The following GALNT14 variants were observed in gnomAD, a reference collection of about 807,000 sequenced individuals.
GALNT14 encodes UDP-GalNAc:polypeptide N-acetylgalactosaminyltransferase 14.
GALNT14 carries 60 observed loss-of-function variants against 77.5 expected under a neutral mutation model. The ratio of observed to expected loss-of-function variants is 0.77; its 90% CI spans 0.63 to 0.96. The LOEUF is 0.96. Ranked by LOEUF, GALNT14 falls within the 40% of genes least tolerant of loss-of-function variation. The pLI is 0.00. For missense variants in GALNT14, 710 were observed against 731.0 expected (o/e 0.97, Z 0.33); for synonymous variants, 280 against 281.7 (o/e 0.99, Z 0.06).
intron 1 of GALNT14, among the ~76,000 whole-genome samples, chr2:31,004,135 C>A (rs1670529601): frequency 6.6e-6 from 1 of 152,242 alleles, no homozygotes; most frequent in Non-Finnish European, 1.5e-5. Flanking sequence ...ATTTCTGCAT[C>A]CCCTTCTCTT....
At chr2:30,927,576 C>G (rs1474048999) in intron 11 of GALNT14, among the ~76,000 whole-genome samples, 1 of 152,190 alleles carries the variant, frequency 6.6e-6, no homozygotes, top group Non-Finnish European at 1.5e-5. Flanking sequence ...ATGGAGACCA[C>G]AGCAGGAAGC....
At position 31,080,905 on chromosome 2, in the gene GALNT14, T is replaced by C. The variant is rs943908675; in HGVS notation, c.129+57053A>G. Reference sequence around the variant, plus strand: ...TAAATTTTCTGGCAGATACAGAATATATGTGGCCACGTTCTAAGAAATGAT... The same window carrying C: ...TAAATTTTCTGGCAGATACAGAATACATGTGGCCACGTTCTAAGAAATGAT... On this transcript the variant is annotated intron_variant, in intron 1 of 14. Coordinates refer to ENST00000349752, the MANE Select transcript of GALNT14 (RefSeq NM_024572.4). Among the ~76,000 whole-genome samples the C allele has an allele frequency of 2.0e-5, 3 of 152,322 alleles. No individual in the cohort carries two copies. The East Asian group carries it at 5.8e-4, about 29-fold the overall frequency.
chr2:31,111,886 GT>G (rs1677854099), intron 1 of GALNT14, among the ~76,000 whole-genome samples: 1 of 150,802 alleles, frequency 6.6e-6, no homozygotes, highest in African/African-American at 2.4e-5. Context: ...ATTTTTTGAT[GT>G]TTTAAATAGG....
At chr2:31,066,330 A>T (rs1346713586) in intron 1 of GALNT14, among the ~76,000 whole-genome samples, 1 of 149,088 alleles carries the variant, frequency 6.7e-6, no homozygotes, top group Non-Finnish European at 1.5e-5. Context: ...GTCAGAAGCC[A>T]GAGGAGTGAG....
Position 30,933,614 on chromosome 2 carries a change from G to T in GALNT14, c.932-1420C>A, listed in dbSNP as rs539504100. 7.2e-5 allele frequency among the ~76,000 whole-genome samples: 11 copies of T among 152,278 alleles called. No homozygotes were observed. In the East Asian group the frequency reaches 1.3e-3, roughly 19 times the overall value. ...CTCTGCCTACTGCTGTTCACTCCCA[G>T]GAAGCCTGGATTCCCCTCAGGGTGG... is the stretch of plus-strand genomic sequence containing the variant. On this transcript the variant is annotated intron_variant, in intron 9 of 14. Coordinates refer to ENST00000349752, the MANE Select transcript of GALNT14 (RefSeq NM_024572.4).
intron 1 of GALNT14, among the ~76,000 whole-genome samples, chr2:31,056,114 G>C (rs565011046): frequency 2.8e-4 from 43 of 152,296 alleles, no homozygotes; most frequent in Admixed American, 3.9e-4. Flanking sequence ...ATGAAATGCA[G>C]ATCCCCAGGC....
intron 1 of GALNT14, among the ~76,000 whole-genome samples, chr2:31,067,078 A>T (rs979547220): frequency 5.3e-5 from 8 of 151,966 alleles, no homozygotes; most frequent in South Asian, 4.2e-4. Context: ...TGGCATCATC[A>T]TCCCTCAGTG....
Position 30,955,629 on chromosome 2 carries a change from T to C in GALNT14, c.643A>G (p.Arg215Gly), listed in dbSNP as rs532750873. Reference protein sequence around the residue: ...NRDWLQPLLHRVKEDYTRVVC... With the variant: ...NRDWLQPLLHGVKEDYTRVVC... ...TCAGCCTCACTCACCTCTTTGACCC[T>C]GTGCAACAGAGGCTGGAGCCAGTCC... The change falls in exon 6 of 15, where the codon AGG becomes GGG. Residue 215 changes from arginine to glycine, a missense_variant. Coordinates refer to ENST00000349752, the MANE Select transcript of GALNT14 (RefSeq NM_024572.4). 2.5e-6 allele frequency: 4 copies of C among 1,614,124 alleles called. No individual in the cohort carries two copies. Among genetic ancestry groups the C allele is most frequent in the Non-Finnish European group, 3.4e-6 (4 of 1,180,012 alleles).
downstream of GALNT14, among the ~76,000 whole-genome samples, chr2:30,910,144 GGCACAT>G (rs1664272362): frequency 1.3e-5 from 2 of 151,566 alleles, no homozygotes. Flanking sequence ...GCACCAGCAT[GGCACAT>G]GTATACATAT....
chr2:31,036,542 A>G (rs1312121579), intron 1 of GALNT14, among the ~76,000 whole-genome samples: 6 of 152,192 alleles, frequency 3.9e-5, no homozygotes, highest in Non-Finnish European at 5.9e-5. Context: ...AGCGTTACAG[A>G]CAAAAATACA....
chr2:30,893,890 C>T, the GALNT14 span, among the ~76,000 whole-genome samples: 3 of 152,130 alleles, frequency 2.0e-5, no homozygotes, highest in African/African-American at 7.2e-5. Flanking sequence ...TGTCATCTCA[C>T]AACCTTAGCT....
chr2:31,059,890 C>T (rs902251695), intron 1 of GALNT14, among the ~76,000 whole-genome samples: 1 of 152,168 alleles, frequency 6.6e-6, no homozygotes, highest in Admixed American at 6.5e-5. Context: ...CTGTTTAGAA[C>T]CCACCTAGTT....
chr2:31,054,262 T>C (rs1674075800), intron 1 of GALNT14, among the ~76,000 whole-genome samples: 1 of 152,168 alleles, frequency 6.6e-6, no homozygotes, highest in Non-Finnish European at 1.5e-5. Flanking sequence ...CACACTTACA[T>C]ATGTGTGAGC....
At chr2:31,113,075 A>C (rs1053442564) in intron 1 of GALNT14, among the ~76,000 whole-genome samples, 1 of 152,220 alleles carries the variant, frequency 6.6e-6, no homozygotes, top group Non-Finnish European at 1.5e-5. Context: ...GCAAGATAGA[A>C]ACCTTCTCAT....
At chr2:30,940,211 G>T (rs1030003866) in intron 9 of GALNT14, among the ~76,000 whole-genome samples, 4 of 152,168 alleles carry the variant, frequency 2.6e-5, no homozygotes, top group African/African-American at 9.7e-5. Context: ...ATCAGCCCTT[G>T]TTGATGCCAA....
At chr2:30,955,563 G>A (rs1382553922) in intron 6 of GALNT14, 55 bp downstream of exon 6, 11 of 1,593,550 alleles carry the variant, frequency 6.9e-6, no homozygotes, top group Non-Finnish European at 9.4e-6. Context: ...GCTTGAGAGA[G>A]AGCCTGGAGA....
intron 1 of GALNT14, among the ~76,000 whole-genome samples, chr2:31,051,337 G>C (rs1673852241): frequency 1.3e-5 from 2 of 152,212 alleles, no homozygotes; most frequent in African/African-American, 4.8e-5. Context: ...TTTGCAATTA[G>C]TAGACTTTGA....
At chr2:31,030,898 G>GTAA (rs1386717341) in intron 1 of GALNT14, among the ~76,000 whole-genome samples, 1 of 152,160 alleles carries the variant, frequency 6.6e-6, no homozygotes, top group Non-Finnish European at 1.5e-5. Flanking sequence ...TTTTTCTTGG[G>GTAA]ATGCCTATTT....
intron 1 of GALNT14, among the ~76,000 whole-genome samples, chr2:31,128,411 A>G (rs1465107341): frequency 2.0e-5 from 3 of 152,140 alleles, no homozygotes; most frequent in African/African-American, 7.2e-5. Flanking sequence ...TCCTGGAGTC[A>G]TTTCCCCAGG....
Sources: allele counts gnomAD v4.1 joint callset (sites outside exome capture counted in the v4.1 genomes callset), GRCh38; gene constraint gnomAD v4.1.1; transcripts MANE v1.5; gene names NCBI Gene and HGNC (gene_info 2026-07-23, HGNC 2026-07-21).